The following RFTN1 variants were observed in gnomAD, a reference collection of about 807,000 sequenced individuals.
The protein encoded by RFTN1 is raftlin.
A neutral mutation model predicts 46.5 loss-of-function variants in RFTN1; 26 were observed. The observed-to-expected ratio is 0.56, with a 90% confidence interval of 0.41 to 0.78. RFTN1 has a LOEUF of 0.78. RFTN1 is among the 30% of genes least tolerant of loss of function. The probability of loss-of-function intolerance (pLI) is 0.00; values close to 1 mark genes in which losing one functional copy is unlikely to be tolerated. For synonymous variants in RFTN1, 261 were observed against 284.2 expected, an observed-to-expected ratio of 0.92 and a Z score of 0.82; for missense variants, 693 against 718.7, an observed-to-expected ratio of 0.96 and a Z score of 0.41.
chr3:16,398,596 TGGCCACAGCCA>T, intron 4 of RFTN1, among the ~76,000 whole-genome samples: 1 of 152,262 alleles, frequency 6.6e-6, no homozygotes, highest in East Asian at 1.9e-4. Context: ...AGGTGCCCCA[TGGCCACAGCCA>T]GGTCCGGGAG....
rs557097271 is a variant in RFTN1, at chr3:16,466,702, A to G, written c.145+27023T>C. ...TCAAAATCATACCTCCTGTCTGCCA[A>G]ACAAGACTGCCAGCTTCTCAAAGCA... is the stretch of plus-strand genomic sequence containing the variant. On this transcript the variant is annotated intron_variant, in intron 2 of 9. Transcript: ENST00000334133. The surrounding 1 kb of genome is among the most constrained non-coding windows in gnomAD (Gnocchi z 5.6). Among the ~76,000 whole-genome samples the G allele has an allele frequency of 3.3e-4, 50 of 152,328 alleles. No homozygotes were observed. Among genetic ancestry groups the G allele is most frequent in the Middle Eastern group, 6.8e-3 (2 of 294 alleles).
rs1363342537 is a variant in RFTN1 at position 16,342,087 on chromosome 3, A to G, written c.1147-15211T>C. On this transcript the variant is annotated intron_variant, in intron 7 of 9. Coordinates refer to ENST00000334133, the MANE Select transcript of RFTN1 (RefSeq NM_015150.2). This position sits in a 1 kb window ranked among gnomAD's most constrained non-coding sequence, Gnocchi z 4.0. ...AAAATTCACCTATTTAAAGCAAACA[A>G]TTCAGTGGTTTATAATATATTCAGA... is the stretch of plus-strand genomic sequence containing the variant. Among the ~76,000 whole-genome samples, 1 of 152,216 alleles carries G rather than the reference A, an allele frequency of 6.6e-6. No individual in the cohort carries two copies. The highest frequency in any genetic ancestry group is 1.9e-4 in the East Asian group (1 of 5,194).
rs977888375 is a variant in RFTN1, at chr3:16,506,116, A to T, written c.-9+7326T>A. Reference sequence around the variant, plus strand: ...AATGCAGGGGGGAGGGATAGCAATCACAGGAGGAGGTATAGTGTTTTAAAT... The same window carrying T: ...AATGCAGGGGGGAGGGATAGCAATCTCAGGAGGAGGTATAGTGTTTTAAAT... On this transcript the variant is annotated intron_variant, in intron 1 of 9. Transcript: ENST00000334133. This position sits in a 1 kb window ranked among gnomAD's most constrained non-coding sequence, Gnocchi z 4.8. Among the ~76,000 whole-genome samples, 11 of 152,240 alleles carry T rather than the reference A, an allele frequency of 7.2e-5. No homozygotes were observed. Among genetic ancestry groups the T allele is most frequent in the South Asian group, 2.1e-4 (1 of 4,834 alleles).
intron 2 of RFTN1, among the ~76,000 whole-genome samples, chr3:16,463,437 T>C (rs575912711): frequency 2.0e-5 from 3 of 152,350 alleles, no homozygotes; most frequent in Non-Finnish European, 4.4e-5. Context: ...ATTCTTGTCT[T>C]CTGCTACATA....
In RFTN1 at chr3:16,442,753, C is replaced by G. The variant is rs768197525; in HGVS notation, c.146-8716G>C. ...CATCTCCCTGCATCTCCCTGACCCCCCAAACTACAGTTCTACTCTCTGTTT... is the reference window on the plus strand; with the variant it reads ...CATCTCCCTGCATCTCCCTGACCCCGCAAACTACAGTTCTACTCTCTGTTT... On this transcript the variant is annotated intron_variant, in intron 2 of 9. Coordinates refer to ENST00000334133, the MANE Select transcript of RFTN1 (RefSeq NM_015150.2). This position sits in a 1 kb window ranked among gnomAD's most constrained non-coding sequence, Gnocchi z 4.1. 2.3e-4 allele frequency among the ~76,000 whole-genome samples: 35 copies of G among 152,264 alleles called. No homozygotes were observed. The highest frequency in any genetic ancestry group is 4.1e-4 in the Non-Finnish European group (28 of 68,004).
chr3:16,368,775 A>AT (rs921574154), intron 6 of RFTN1, among the ~76,000 whole-genome samples: 2 of 152,246 alleles, frequency 1.3e-5, no homozygotes, highest in Non-Finnish European at 2.9e-5. Context: ...TTTAAACTTA[A>AT]TGAAAGTTAA....
rs1426741673 is a variant in RFTN1, at chr3:16,369,051, A to C, written c.1030+1025T>G. On this transcript the variant is annotated intron_variant, in intron 6 of 9. Coordinates refer to ENST00000334133, the MANE Select transcript of RFTN1 (RefSeq NM_015150.2). ...GCTACTATGATAACGTGTCAATATT[A>C]GTCAATGATACTTAGATAGAGACTC... Among the ~76,000 whole-genome samples the C allele has an allele frequency of 9.2e-5, 14 of 152,244 alleles. No homozygotes were observed. The East Asian group carries it at 2.7e-3, about 29-fold the overall frequency.
intron 6 of RFTN1, among the ~76,000 whole-genome samples, chr3:16,358,819 C>T (rs2072637519): frequency 6.6e-6 from 1 of 151,892 alleles, no homozygotes. Flanking sequence ...ATTCACTGAG[C>T]TCAGGAGTTC....
chr3:16,386,700 A>T (rs1449828375), intron 4 of RFTN1, among the ~76,000 whole-genome samples: 1 of 152,224 alleles, frequency 6.6e-6, no homozygotes, highest in Non-Finnish European at 1.5e-5. Flanking sequence ...AAGTGACATG[A>T]TCAGGCCTGT....
At chr3:16,378,218 A>G (rs1396013017) in intron 4 of RFTN1, 116 bp from the exon 5 acceptor site, 9 of 815,112 alleles carry the variant, frequency 1.1e-5, no homozygotes, top group African/African-American at 1.0e-4. Flanking sequence ...GTGCAGGAGA[A>G]GAATTCCAAG....
intron 3 of RFTN1, among the ~76,000 whole-genome samples, chr3:16,417,371 C>A (rs955355646): frequency 1.3e-5 from 2 of 152,044 alleles, no homozygotes; most frequent in African/African-American, 4.8e-5. Flanking sequence ...TGGGCCAAAA[C>A]TGAATGTGAA....
At position 16,336,592 on chromosome 3, in the gene RFTN1, CATAAT is replaced by C. The variant is rs2070872983; in HGVS notation, c.1147-9721_1147-9717del. Among the ~76,000 whole-genome samples, 1 of 152,180 alleles carries C rather than the reference CATAAT, an allele frequency of 6.6e-6. No individual in the cohort carries two copies. Among genetic ancestry groups the C allele is most frequent in the South Asian group, 2.1e-4 (1 of 4,826 alleles). ...TTTTGCTGATATGTAATCAGGACAA[CATAAT>C]AGAGTCTGAGAGAGCAGTCTTCTCA... On this transcript the variant is annotated intron_variant, in intron 7 of 9. Transcript: ENST00000334133. This position sits in a 1 kb window ranked among gnomAD's most constrained non-coding sequence, Gnocchi z 6.0.
intron 2 of RFTN1, among the ~76,000 whole-genome samples, chr3:16,467,627 C>T (rs1253784693): frequency 6.6e-6 from 1 of 152,152 alleles, no homozygotes; most frequent in Non-Finnish European, 1.5e-5. Context: ...GAAAAGCCCT[C>T]AAAGAGGAGT....
intron 4 of RFTN1, among the ~76,000 whole-genome samples, chr3:16,378,453 T>C (rs62236295): frequency 0.1 from 15,866 of 152,278 alleles, 878 homozygotes; most frequent in Middle Eastern, 0.15. Flanking sequence ...AAGTTTGTTT[T>C]ATTAAGAGTT....
Position 16,480,496 on chromosome 3 carries a change from C to G in RFTN1, c.145+13229G>C, listed in dbSNP as rs1383706199. Among the ~76,000 whole-genome samples the G allele has an allele frequency of 6.6e-6, 1 of 152,276 alleles. No homozygotes were observed. The highest frequency in any genetic ancestry group is 2.4e-5 in the African/African-American group (1 of 41,544). On this transcript the variant is annotated intron_variant, in intron 2 of 9. Coordinates refer to ENST00000334133, the MANE Select transcript of RFTN1 (RefSeq NM_015150.2). This position sits in a 1 kb window ranked among gnomAD's most constrained non-coding sequence, Gnocchi z 4.3. The stretch of plus-strand genomic sequence containing the variant: ...CCATGTAATTTTTACTTATCAGGAG[C>G]CCTGACCTGTAAACAAAGAAGAGTA...
chr3:16,441,279 T>C (rs1385789077), intron 2 of RFTN1, among the ~76,000 whole-genome samples: 1 of 19,470 alleles, frequency 5.1e-5, no homozygotes, highest in Non-Finnish European at 1.1e-4. Context: ...TATAAATAAA[T>C]AAACCATTAT....
chr3:16,445,685 A>G (rs2075717809), intron 2 of RFTN1, among the ~76,000 whole-genome samples: 1 of 152,194 alleles, frequency 6.6e-6, no homozygotes, highest in Non-Finnish European at 1.5e-5. Flanking sequence ...AGTTTTTTAT[A>G]TTAATAACAC....
chr3:16,424,142 A>G lies in RFTN1; in HGVS notation c.332+9709T>C, dbSNP rs1433868114. On this transcript the variant is annotated intron_variant, in intron 3 of 9. Transcript: ENST00000334133. The surrounding 1 kb of genome is among the most constrained non-coding windows in gnomAD (Gnocchi z 4.7). Reference sequence around the variant, plus strand: ...CTGGGGATGTTACAAAGCCCAGAAAATTCTCAGAATTCTCTGAGGATGTTT... The same window carrying G: ...CTGGGGATGTTACAAAGCCCAGAAAGTTCTCAGAATTCTCTGAGGATGTTT... Among the ~76,000 whole-genome samples the G allele has an allele frequency of 6.6e-6, 1 of 152,164 alleles. No homozygotes were observed. Among genetic ancestry groups the G allele is most frequent in the African/African-American group, 2.4e-5 (1 of 41,428 alleles).
chr3:16,324,615 C>CG, intron 8 of RFTN1, among the ~76,000 whole-genome samples: 1 of 141,392 alleles, frequency 7.1e-6, no homozygotes, highest in East Asian at 2.0e-4. Flanking sequence ...TGTCCCTGAC[C>CG]CCCCCCCTTT....
Sources: gnomAD v4.1 joint callset for allele counts (sites outside exome capture counted in the v4.1 genomes callset) on GRCh38, gnomAD v4.1.1 for gene constraint, Gnocchi (gnomAD v3.1) non-coding constraint, MANE v1.5 for transcripts, NCBI Gene and HGNC (gene_info 2026-07-23, HGNC 2026-07-21) for gene names.